The following NFATC2 variants were observed in gnomAD, a reference collection of about 807,000 sequenced individuals.
The protein encoded by NFATC2 is nuclear factor of activated T-cells, cytoplasmic 2.
A neutral mutation model predicts 87.3 loss-of-function variants in NFATC2; 22 were observed. That is an observed-to-expected ratio of 0.25 (90% CI 0.18 to 0.36). NFATC2 has a LOEUF of 0.36. Among genes scored for constraint, NFATC2 ranks in the 10% least tolerant of loss-of-function variants. The pLI is 1.00. For synonymous variants in NFATC2, 565 were observed against 542.2 expected, an observed-to-expected ratio of 1.04 and a Z score of -0.58; for missense variants, 1,149 against 1,259.1, an observed-to-expected ratio of 0.91 and a Z score of 1.32.
At chr20:51,482,173 C>T (rs1405933157) in intron 3 of NFATC2, among the ~76,000 whole-genome samples, 1 of 151,850 alleles carries the variant, frequency 6.6e-6, no homozygotes, top group Non-Finnish European at 1.5e-5. Context: ...ATCCACCCCA[C>T]CAGCTCAGCA....
At chr20:51,546,715 TAC>T (rs1301752661), upstream of NFATC2, among the ~76,000 whole-genome samples, 2 of 152,186 alleles carry the variant, frequency 1.3e-5, no homozygotes, top group African/African-American at 4.8e-5. Flanking sequence ...ACAGTCTAAT[TAC>T]AGACTGAGGT....
chr20:51,523,629 C>T lies in NFATC2; in HGVS notation c.612G>A (p.Gln204=). The T allele has an allele frequency of 3.7e-6, 6 of 1,613,890 alleles. No homozygotes were observed. The highest frequency in any genetic ancestry group is 5.1e-6 in the Non-Finnish European group (6 of 1,179,866). The part of the protein sequence containing the change: ...NNGGPDDLCP[Q]FQNIPAHYSP... The stretch of plus-strand genomic sequence containing the variant: ...AATAATGAGCAGGGATGTTTTGAAA[C>T]TGCGGACACAGGTCGTCGGGCCCGC... The change falls in exon 2 of 11, where the codon CAG becomes CAA. Residue 204 remains glutamine, a synonymous_variant. Coordinates refer to ENST00000371564, the MANE Select transcript of NFATC2 (RefSeq NM_012340.5). This position sits in a 1 kb window ranked among gnomAD's most constrained non-coding sequence, Gnocchi z 6.9.
Position 51,472,781 on chromosome 20 carries a change from G to A in NFATC2, c.1708+1199C>T, listed in dbSNP as rs192212393. Among the ~76,000 whole-genome samples the A allele has an allele frequency of 4.6e-3, 705 of 151,818 alleles. 6 individuals carry two copies. Among genetic ancestry groups the A allele is most frequent in the Non-Finnish European group, 4.2e-3 (284 of 67,914 alleles). ...CTCCCAAGTAGTTGGAATTACAGGC[G>A]CATACCACCACACCCGGCTAATTTT... is the stretch of plus-strand genomic sequence containing the variant. On this transcript the variant is annotated intron_variant, in intron 5 of 10. Transcript: ENST00000371564.
chr20:51,460,644 T>A (rs1287316646), intron 5 of NFATC2, among the ~76,000 whole-genome samples: 4 of 151,992 alleles, frequency 2.6e-5, no homozygotes, highest in Non-Finnish European at 5.9e-5. Context: ...TTCTTCTTTT[T>A]TTTTTTTTAA....
chr20:51,522,749 T>C (rs1352716624), intron 2 of NFATC2, among the ~76,000 whole-genome samples: 1 of 152,068 alleles, frequency 6.6e-6, no homozygotes, highest in Non-Finnish European at 1.5e-5. Flanking sequence ...TGTCTCTCCA[T>C]TACTTATGTA....
chr20:51,562,738 G>A (rs1208157687), upstream of NFATC2: 1 of 1,122,040 alleles, frequency 8.9e-7, no homozygotes, highest in Non-Finnish European at 1.3e-6. The surrounding 1 kb of genome is among the most constrained non-coding windows in gnomAD (Gnocchi z 5.8). Context: ...GGGCTGCCCT[G>A]GCCGAGGAGC....
At chr20:51,471,935 T>A (rs1211938823) in intron 5 of NFATC2, among the ~76,000 whole-genome samples, 1 of 152,202 alleles carries the variant, frequency 6.6e-6, no homozygotes, top group Non-Finnish European at 1.5e-5. Flanking sequence ...GTAACAAACC[T>A]GTACATCCTA....
intron 3 of NFATC2, among the ~76,000 whole-genome samples, chr20:51,477,561 ATATATATATATAT>A (rs1988841112): frequency 1.6e-5 from 2 of 124,020 alleles, no homozygotes; most frequent in African/African-American, 5.9e-5. Context: ...ATATATATAT[ATATATATATATAT>A]ATATATAAAA....
chr20:51,535,497 C>T (rs1260836647), intron 1 of NFATC2, among the ~76,000 whole-genome samples: 1 of 152,226 alleles, frequency 6.6e-6, no homozygotes, highest in African/African-American at 2.4e-5. Flanking sequence ...TGACTGACAG[C>T]TTCTTTATTT....
chr20:51,471,786 TA>T (rs1347865992), intron 5 of NFATC2, among the ~76,000 whole-genome samples: 2 of 152,266 alleles, frequency 1.3e-5, no homozygotes, highest in African/African-American at 4.8e-5. Flanking sequence ...TATCTGCAGA[TA>T]TTTTCTGACC....
intron 6 of NFATC2, among the ~76,000 whole-genome samples, chr20:51,452,537 C>A (rs1370078783): frequency 6.6e-6 from 1 of 152,174 alleles, no homozygotes; most frequent in Non-Finnish European, 1.5e-5. Flanking sequence ...ACCCACCAAT[C>A]TCTTGCCTTT....
chr20:51,469,500 T>A (rs1224079762), intron 5 of NFATC2, among the ~76,000 whole-genome samples: 2 of 151,880 alleles, frequency 1.3e-5, no homozygotes, highest in East Asian at 3.9e-4. Context: ...GTGTAGTGGG[T>A]TACACATAGT....
chr20:51,560,894 C>T (rs929237479), intron 1 of NFATC2, among the ~76,000 whole-genome samples: 2 of 152,128 alleles, frequency 1.3e-5, no homozygotes, highest in African/African-American at 4.8e-5. Flanking sequence ...CAATAAAATT[C>T]GAGGCTTGTG....
chr20:51,484,730 C>T (rs1435158089), intron 3 of NFATC2, among the ~76,000 whole-genome samples: 5 of 152,220 alleles, frequency 3.3e-5, no homozygotes, highest in Non-Finnish European at 5.9e-5. Flanking sequence ...GGTGTGGGCA[C>T]GACTCAGCTG....
chr20:51,501,225 A>T (rs1249599552), intron 3 of NFATC2, among the ~76,000 whole-genome samples: 5 of 152,126 alleles, frequency 3.3e-5, no homozygotes, highest in Admixed American at 6.5e-5. Flanking sequence ...AAACCTGCAA[A>T]TGTGAATGGC....
chr20:51,555,585 C>T (rs1316000222), intron 1 of NFATC2, among the ~76,000 whole-genome samples: 2 of 148,376 alleles, frequency 1.3e-5, no homozygotes. Context: ...CAGAGTGAGA[C>T]TCCATCTCAA....
intron 3 of NFATC2, among the ~76,000 whole-genome samples, chr20:51,477,569 ATATATATAT>A (rs1988854811): frequency 3.1e-5 from 3 of 97,244 alleles, no homozygotes; most frequent in Non-Finnish European, 7.0e-5. Context: ...ATATATATAT[ATATATATAT>A]ATAAAATAAC....
chr20:51,420,695 T>C (rs1172105908), intron 9 of NFATC2, among the ~76,000 whole-genome samples: 1 of 152,064 alleles, frequency 6.6e-6, no homozygotes, highest in Non-Finnish European at 1.5e-5. Flanking sequence ...CCGACGCAAA[T>C]GAACTATAAT....
At chr20:51,511,718 C>T (rs773450119) in intron 3 of NFATC2, among the ~76,000 whole-genome samples, 5 of 152,346 alleles carry the variant, frequency 3.3e-5, no homozygotes, top group Non-Finnish European at 4.4e-5. Context: ...TCCTTACCAC[C>T]TTGATCTTTC....
Sources: allele counts gnomAD v4.1 joint callset (sites outside exome capture counted in the v4.1 genomes callset), GRCh38; gene constraint gnomAD v4.1.1; non-coding constraint Gnocchi (gnomAD v3.1); transcripts MANE v1.5; gene names NCBI Gene and HGNC (gene_info 2026-07-23, HGNC 2026-07-21).